FBN1: variants seen among roughly 807,000 people sequenced by gnomAD.
The protein encoded by FBN1 is fibrillin-1.
Under a neutral mutation model 365.1 loss-of-function variants are expected in FBN1, and 29 were observed. That is an observed-to-expected ratio of 0.08 (90% CI 0.06 to 0.11). The LOEUF (loss-of-function observed/expected upper bound fraction) is 0.11, where lower values mean the gene tolerates loss of function less well. FBN1 is among the 10% of genes least tolerant of loss of function. The pLI is 1.00. For synonymous variants in FBN1, 1,210 were observed against 1,270.5 expected (o/e 0.95, Z 1.01); for missense variants, 2,476 against 3,703.2 (o/e 0.67, Z 8.60).
rs1380364136 is a variant in FBN1 at position 48,488,053 on chromosome 15, G to T, written c.3337+60C>A. On this transcript the variant is annotated intron_variant, in intron 27 of 65. Transcript: ENST00000316623. ...GAAGAACCTGGAACATAGGCTATGA[G>T]CCATCAAAGCTTCATGGAATCCTTC... The T allele has an allele frequency of 4.4e-6, 7 of 1,607,228 alleles. No homozygotes were observed. In the Admixed American group the frequency reaches 8.3e-5, roughly 19 times the overall value.
chr15:48,537,734 T>G lies in FBN1; in HGVS notation c.613A>C (p.Thr205Pro). The change falls in exon 7 of 66, where the codon ACA (threonine) becomes CCA (proline). Residue 205 changes from threonine (T) to proline (P), a missense_variant. Coordinates refer to ENST00000316623, the MANE Select transcript of FBN1 (RefSeq NM_000138.5). ...CQGQLSGIVCTKTLCCATVGR... is the reference protein window; with the variant it reads ...CQGQLSGIVCPKTLCCATVGR... ...ACTGTGGCACAGCAGAGCGTTTTTG[T>G]GCAGACAATCCCGCTGAGTTGTCCC... 1 of 1,614,216 alleles carries G rather than the reference T, an allele frequency of 6.2e-7. No individual in the cohort carries two copies. The highest frequency in any genetic ancestry group is 8.5e-7 in the Non-Finnish European group (1 of 1,180,024).
Position 48,428,356 on chromosome 15 carries a change from G to A in FBN1, c.6987C>T (p.Asp2329=), listed in dbSNP as rs363831. ...GCCAACTGTACTCACCAAGGCACTC[G>A]TCCTGGTTGGGGCTGGCGGTAAACC... is the stretch of plus-strand genomic sequence containing the variant. ...NDGFTASPNQ[D]ECLDNREGYC... The change falls in exon 57 of 66, where the codon GAC becomes GAT. Residue 2329 remains aspartate, a synonymous_variant. Transcript: ENST00000316623. 1.9e-5 allele frequency: 30 copies of A among 1,613,982 alleles called. No homozygotes were observed. Among genetic ancestry groups the A allele is most frequent in the South Asian group, 1.8e-4 (16 of 91,074 alleles).
rs1457816004 is a variant in FBN1, at chr15:48,582,523, G to T, written c.538+13760C>A. On this transcript the variant is annotated intron_variant, in intron 6 of 65. Transcript: ENST00000316623. ...ACATGACCAAACAGTGTGTTGCTAG[G>T]TGGTTGTTGTTATTGTTCACGTAAA... is the stretch of plus-strand genomic sequence containing the variant. Among the ~76,000 whole-genome samples the T allele has an allele frequency of 5.3e-5, 8 of 152,268 alleles. No individual in the cohort carries two copies. In the East Asian group the frequency reaches 1.5e-3, roughly 29 times the overall value.
chr15:48,626,311 C>A lies in FBN1; in HGVS notation c.165-13219G>T, dbSNP rs547247215. On this transcript the variant is annotated intron_variant, in intron 2 of 65. Coordinates refer to ENST00000316623, the MANE Select transcript of FBN1 (RefSeq NM_000138.5). ...TACTAGTAAGAAATCAGTATCATTT[C>A]ATCTACTTTTTTAAATTTTAGAAAA... Among the ~76,000 whole-genome samples, 10 of 151,704 alleles carry A rather than the reference C, an allele frequency of 6.6e-5. No homozygotes were observed. The East Asian group carries it at 1.9e-3, about 29-fold the overall frequency.
chr15:48,417,579 A>G (rs1231387660), intron 63 of FBN1, among the ~76,000 whole-genome samples: 1 of 151,838 alleles, frequency 6.6e-6, no homozygotes, highest in African/African-American at 2.4e-5. Flanking sequence ...TTTTGTATCC[A>G]AAGACCTTCA....
At chr15:48,538,608 A>C (rs577651930) in intron 6 of FBN1, among the ~76,000 whole-genome samples, 50 of 151,658 alleles carry the variant, frequency 3.3e-4, no homozygotes, top group Non-Finnish European at 2.9e-4. Context: ...CTACAGAGAG[A>C]GAGCCAACAA....
chr15:48,562,441 A>G (rs1418510212), intron 6 of FBN1, among the ~76,000 whole-genome samples: 2 of 152,176 alleles, frequency 1.3e-5, no homozygotes, highest in African/African-American at 4.8e-5. Context: ...CAAATAGGGA[A>G]TTGAGTCAAT....
chr15:48,458,329 A>T (rs569123780), intron 43 of FBN1, among the ~76,000 whole-genome samples: 1 of 152,296 alleles, frequency 6.6e-6, no homozygotes, highest in Non-Finnish European at 1.5e-5. Flanking sequence ...GACCCTTTTT[A>T]AAAAAGGGCT....
Position 48,526,268 on chromosome 15 carries a change from A to G in FBN1, c.863-13T>C, listed in dbSNP as rs116152609. 5.0e-6 allele frequency: 8 copies of G among 1,613,950 alleles called. No homozygotes were observed. In the African/African-American group the frequency reaches 9.3e-5, roughly 19 times the overall value. ...CATTCATCAATATCTGGAATATAAA[A>G]AAAAGAATCTCAGCATTTGTAGAAC... On this transcript the variant is annotated splice_polypyrimidine_tract_variant and intron_variant, in intron 8 of 65. Transcript: ENST00000316623.
In FBN1 at chr15:48,508,688, G is replaced by A. The variant is rs1453708754; in HGVS notation, c.1731C>T (p.Ser577=). Residue 577 remains serine, a synonymous_variant, in exon 15 of 66, where the codon AGC becomes AGT. Coordinates refer to ENST00000316623, the MANE Select transcript of FBN1 (RefSeq NM_000138.5). ...TTCCATTAAGGCACATGTTCCTTAT[G>A]CTGCATTCATCCATATCTGAAAATA... The part of the protein sequence containing the change: ...GKNCEDMDEC[S]IRNMCLNGMC... 7.4e-6 allele frequency: 12 copies of A among 1,613,612 alleles called. No homozygotes were observed. Among genetic ancestry groups the A allele is most frequent in the Non-Finnish European group, 1.0e-5 (12 of 1,179,710 alleles).
chr15:48,445,691 C>T (rs1597532880), intron 47 of FBN1, among the ~76,000 whole-genome samples, 187 bp from the exon 48 acceptor site: 2 of 152,126 alleles, frequency 1.3e-5, no homozygotes, highest in East Asian at 3.8e-4. Context: ...CACCTATACA[C>T]ATTTAACAAT....
In FBN1 at chr15:48,644,888, C is replaced by T. The variant is rs1431527219; in HGVS notation, c.-119G>A. ...GGGTCCCGCTATCCCGCCGCCCGTC[C>T]CCCGGGCCGGGCTCCTCCCGCCTTC... is the stretch of plus-strand genomic sequence containing the variant. On this transcript the variant is annotated 5_prime_UTR_variant, in exon 2 of 66. Transcript: ENST00000316623. 1.9e-6 allele frequency: 2 copies of T among 1,059,328 alleles called. No individual in the cohort carries two copies. The highest frequency in any genetic ancestry group is 1.7e-5 in the African/African-American group (1 of 59,388). The allele number at this position is 1,059,328 out of a possible 1,614,324, so 65.6% of individuals were successfully genotyped here.
In FBN1 at chr15:48,472,686, G is replaced by A. The variant is rs28730793; in HGVS notation, c.4211-10C>T. 293 of 1,614,136 alleles carry A rather than the reference G, an allele frequency of 1.8e-4. 1 individual carries two copies. The East Asian group carries it at 6.1e-3, about 34-fold the overall frequency. The stretch of plus-strand genomic sequence containing the variant: ...GAGCACTCATCAAGGTCTACAGCCA[G>A]AAAGAAACACACGTTACTCTTCCTC... On this transcript the variant is annotated splice_polypyrimidine_tract_variant and intron_variant, in intron 34 of 65. Transcript: ENST00000316623.
In FBN1 at chr15:48,481,681, C is replaced by A; in HGVS notation, c.3938G>T (p.Gly1313Val). Residue 1313 changes from glycine to valine, a missense_variant, in exon 32 of 66, where the codon GGC becomes GTC. Physicochemically the swap from Gly to Val is moderately radical, Grantham distance 109 (BLOSUM62 -3). Transcript: ENST00000316623. Reference sequence around the variant, plus strand: ...TGTACAGCCAGTTTTTCCTTTTTTGCCGGAGTAGCCCATATCACAGTGGCA... The same window carrying A: ...TGTACAGCCAGTTTTTCCTTTTTTGACGGAGTAGCCCATATCACAGTGGCA... ...FICHCDMGYSGKKGKTGCTDI... is the reference protein window; with the variant it reads ...FICHCDMGYSVKKGKTGCTDI... 6.2e-7 allele frequency: 1 copy of A among 1,613,402 alleles called. No homozygotes were observed. The highest frequency in any genetic ancestry group is 1.1e-5 in the South Asian group (1 of 91,044).
Position 48,515,942 on chromosome 15 carries a change from T to C in FBN1, c.1327+241A>G, listed in dbSNP as rs184617512. The stretch of plus-strand genomic sequence containing the variant: ...CGCCCATAACTCTCCCATAGTTGCC[T>C]GAAAACACCAATAACAAAAGGACAT... On this transcript the variant is annotated intron_variant, in intron 11 of 65. Transcript: ENST00000316623. 1.1e-4 allele frequency among the ~76,000 whole-genome samples: 17 copies of C among 152,300 alleles called. No homozygotes were observed. The East Asian group carries it at 3.3e-3, about 29-fold the overall frequency.
intron 6 of FBN1, among the ~76,000 whole-genome samples, chr15:48,561,025 C>T (rs535059203): frequency 1.2e-3 from 177 of 152,242 alleles, no homozygotes; most frequent in African/African-American, 4.2e-3. Flanking sequence ...AGGGAGTTTT[C>T]ATCAGTATTA....
At chr15:48,627,582 C>A (rs930388316) in intron 2 of FBN1, among the ~76,000 whole-genome samples, 45 of 152,294 alleles carry the variant, frequency 3.0e-4, no homozygotes, top group African/African-American at 9.6e-4. Flanking sequence ...CTGTCTGACC[C>A]GGCTTAGGAA....
intron 6 of FBN1, among the ~76,000 whole-genome samples, chr15:48,589,495 G>C (rs571452397): frequency 3.7e-4 from 56 of 152,086 alleles, no homozygotes; most frequent in African/African-American, 1.3e-3. Context: ...AACTATTCTA[G>C]GAAAATCTAG....
intron 9 of FBN1, among the ~76,000 whole-genome samples, chr15:48,523,721 G>C (rs1272989614): frequency 6.8e-6 from 1 of 147,638 alleles, no homozygotes. Flanking sequence ...GGGGGGGGGG[G>C]GGAACCGTTG....
Sources: gnomAD v4.1 joint callset for allele counts (sites outside exome capture counted in the v4.1 genomes callset) on GRCh38, gnomAD v4.1.1 for gene constraint, MANE v1.5 for transcripts, NCBI Gene and HGNC (gene_info 2026-07-23, HGNC 2026-07-21) for gene names.